RPS18: variants seen among roughly 807,000 people sequenced by gnomAD.
RPS18 encodes small ribosomal subunit protein uS13.
For synonymous variants in RPS18, 64 were observed against 70.9 expected (o/e 0.90, Z 0.49); for missense variants, 49 against 200.8 (o/e 0.24, Z 4.57).
chr6:33,272,456 T>C (rs569332855), intron 1 of RPS18, 172 bp from the exon 2 acceptor site: 67 of 661,638 alleles, frequency 1.0e-4, no homozygotes, highest in South Asian at 9.5e-4. Context: ...GTGCCTACTC[T>C]GCAGGACTGA....
intron 2 of RPS18, among the ~76,000 whole-genome samples, chr6:33,273,980 C>CA (rs1433956836): frequency 6.6e-6 from 1 of 152,238 alleles, no homozygotes; most frequent in Non-Finnish European, 1.5e-5. Flanking sequence ...TATCCCGAGA[C>CA]AGAGTCTCAC....
chr6:33,274,459 T>C (rs1282153502), intron 2 of RPS18, among the ~76,000 whole-genome samples: 2 of 152,204 alleles, frequency 1.3e-5, no homozygotes, highest in Non-Finnish European at 2.9e-5. Context: ...TACAGGCATA[T>C]AGGCATGAGC....
chr6:33,275,904 TG>T (rs1357290513), intron 3 of RPS18, 21 bp downstream of exon 3: 2 of 1,592,454 alleles, frequency 1.3e-6, no homozygotes, highest in East Asian at 2.2e-5. Context: ...GGAAGGGGGC[TG>T]GGGGTGGGGT....
At chr6:33,273,235 C>T (rs1765370687) in intron 2 of RPS18, among the ~76,000 whole-genome samples, 1 of 152,208 alleles carries the variant, frequency 6.6e-6, no homozygotes, top group South Asian at 2.1e-4. Context: ...CCATAATTGA[C>T]ACTCCTTTCC....
intron 2 of RPS18, among the ~76,000 whole-genome samples, chr6:33,273,704 A>G (rs1210787028): frequency 6.6e-6 from 1 of 152,222 alleles, no homozygotes; most frequent in Non-Finnish European, 1.5e-5. Flanking sequence ...GATGTATCTA[A>G]CTAAAAATTA....
At chr6:33,273,599 A>C (rs1765420050) in intron 2 of RPS18, among the ~76,000 whole-genome samples, 2 of 152,212 alleles carry the variant, frequency 1.3e-5, no homozygotes, top group African/African-American at 4.8e-5. Flanking sequence ...GAAACTAATA[A>C]GGCAGTGTGA....
intron 2 of RPS18, among the ~76,000 whole-genome samples, chr6:33,273,337 C>T (rs368196803): frequency 2.2e-3 from 340 of 152,278 alleles, no homozygotes; most frequent in South Asian, 0.02. Flanking sequence ...GAGTATTTCT[C>T]TCCACAAACC....
In RPS18 at chr6:33,272,129, C is replaced by G; in HGVS notation, c.3+7C>G. On this transcript the variant is annotated splice_region_variant and intron_variant, in intron 1 of 5. Coordinates refer to ENST00000439602, the MANE Select transcript of RPS18 (RefSeq NM_022551.3). Reference sequence around the variant, plus strand: ...CGCTTGTGCTGCAGCCATGGTAAGACTGGAATCCGTGCCGTGATCCAGCGG... The same window carrying G: ...CGCTTGTGCTGCAGCCATGGTAAGAGTGGAATCCGTGCCGTGATCCAGCGG... 1 of 1,565,578 alleles carries G rather than the reference C, an allele frequency of 6.4e-7. No homozygotes were observed. The highest frequency in any genetic ancestry group is 8.7e-7 in the Non-Finnish European group (1 of 1,154,952).
chr6:33,274,235 C>T (rs1233862291), intron 2 of RPS18, among the ~76,000 whole-genome samples: 1 of 152,194 alleles, frequency 6.6e-6, no homozygotes, highest in Admixed American at 6.5e-5. Context: ...TTTTTTGAGA[C>T]TGTCGCCCAG....
chr6:33,272,222 A>G (rs1173583448), intron 1 of RPS18, 100 bp downstream of exon 1: 11 of 1,329,808 alleles, frequency 8.3e-6, no homozygotes, highest in Non-Finnish European at 8.4e-6. Flanking sequence ...AGGGCCTGCG[A>G]CTTTCTGTAT....
Position 33,272,084 on chromosome 6 carries a change from A to G in RPS18, c.-36A>G. The stretch of plus-strand genomic sequence containing the variant: ...TCGCGTCACTTCCGCTCTCTCTTCC[A>G]CAGGAGGCCTACACGCCGCCGCTTG... On this transcript the variant is annotated 5_prime_UTR_variant, in exon 1 of 6. Transcript: ENST00000439602. The G allele has an allele frequency of 6.4e-7, 1 of 1,563,390 alleles. No individual in the cohort carries two copies. Among genetic ancestry groups the G allele is most frequent in the Non-Finnish European group, 8.7e-7 (1 of 1,153,684 alleles).
chr6:33,274,600 G>A (rs1163376985), intron 2 of RPS18, among the ~76,000 whole-genome samples: 1 of 152,182 alleles, frequency 6.6e-6, no homozygotes, highest in Admixed American at 6.5e-5. Flanking sequence ...AGGCACTTAA[G>A]AATCCTACCT....
At chr6:33,275,718 G>A (rs1765583782) in intron 2 of RPS18, 79 bp from the exon 3 acceptor site, 2 of 943,940 alleles carry the variant, frequency 2.1e-6, no homozygotes, top group South Asian at 2.6e-5. Context: ...TCCTACCTTT[G>A]TGAGCTTTTT....
Position 33,276,493 on chromosome 6 carries a change from T to C in RPS18, c.*27T>C. On this transcript the variant is annotated 3_prime_UTR_variant, in exon 6 of 6. Coordinates refer to ENST00000439602, the MANE Select transcript of RPS18 (RefSeq NM_022551.3). ...TCTGTAGGCCTTGTCTGTTAATAAA[T>C]AGTTTATATACCTATGGCTTCCTGT... 2 of 1,509,480 alleles carry C rather than the reference T, an allele frequency of 1.3e-6. No homozygotes were observed. Among genetic ancestry groups the C allele is most frequent in the Non-Finnish European group, 1.8e-6 (2 of 1,092,776 alleles). 93.5% of individuals were successfully genotyped at this position (1,509,480 alleles called of 1,614,324 possible). A position where few individuals can be genotyped will look rare whatever the true frequency, so the allele number is the denominator to read the frequency against.
At chr6:33,273,939 A>G (rs1196413797) in intron 2 of RPS18, among the ~76,000 whole-genome samples, 1 of 151,882 alleles carries the variant, frequency 6.6e-6, no homozygotes, top group Non-Finnish European at 1.5e-5. Context: ...AATCAACCTA[A>G]TAATTTGACC....
chr6:33,272,233 G>A (rs1445053562), intron 1 of RPS18, 111 bp downstream of exon 1: 7 of 1,235,950 alleles, frequency 5.7e-6, no homozygotes, highest in Non-Finnish European at 8.1e-6. Flanking sequence ...CTTTCTGTAT[G>A]GAGCCTTGGA....
chr6:33,273,506 G>T (rs985720958), intron 2 of RPS18, among the ~76,000 whole-genome samples: 1 of 152,264 alleles, frequency 6.6e-6, no homozygotes, highest in Non-Finnish European at 1.5e-5. Context: ...CTTAGGCGAC[G>T]TTAGGGAATG....
intron 2 of RPS18, among the ~76,000 whole-genome samples, chr6:33,274,424 C>A (rs1242621686): frequency 6.6e-6 from 1 of 152,188 alleles, no homozygotes; most frequent in Non-Finnish European, 1.5e-5. Context: ...GATCCTCCAG[C>A]CTCAGCCTCC....
chr6:33,275,129 A>T (rs192315738), intron 2 of RPS18, among the ~76,000 whole-genome samples: 5 of 152,282 alleles, frequency 3.3e-5, no homozygotes, highest in African/African-American at 1.2e-4. Flanking sequence ...CCTGTAACTC[A>T]TAAGACCCTG....
Sources: allele counts gnomAD v4.1 joint callset (sites outside exome capture counted in the v4.1 genomes callset), GRCh38; gene constraint gnomAD v4.1.1; transcripts MANE v1.5; gene names NCBI Gene and HGNC (gene_info 2026-07-23, HGNC 2026-07-21).